Variants in GLIS3 observed in about 807,000 individuals in gnomAD.
GLIS3 encodes the protein GLIS family zinc finger 3.
In GLIS3, 53 loss-of-function variants were observed where a neutral mutation model predicts 78.6. The ratio of observed to expected loss-of-function variants is 0.67; its 90% CI spans 0.54 to 0.85. GLIS3 has a LOEUF of 0.85. GLIS3 is among the 40% of genes least tolerant of loss of function. The pLI, the probability that GLIS3 is intolerant of heterozygous loss-of-function variation, is 0.00. For missense variants in GLIS3, 1,703 were observed against 1,231.1 expected (o/e 1.38, Z -5.74); for synonymous variants, 684 against 509.9 (o/e 1.34, Z -4.60).
chr9:4,142,151 A>C (rs1833861957), intron 2 of GLIS3, among the ~76,000 whole-genome samples: 2 of 152,222 alleles, frequency 1.3e-5, no homozygotes, highest in Non-Finnish European at 2.9e-5. Context: ...CATAATACAT[A>C]TTGATGCCAG....
At chr9:4,280,186 ATTATT>A (rs548828970) in intron 2 of GLIS3, among the ~76,000 whole-genome samples, 300 of 152,190 alleles carry the variant, frequency 2.0e-3, no homozygotes, top group African/African-American at 7.1e-3. Flanking sequence ...CACCCAGCTA[ATTATT>A]TTATTTTTTG....
chr9:4,164,655 T>A (rs536593703), intron 2 of GLIS3, among the ~76,000 whole-genome samples: 3 of 152,302 alleles, frequency 2.0e-5, no homozygotes, highest in Admixed American at 6.5e-5. Flanking sequence ...AAAGGCTGCT[T>A]AGAGGGCGTT....
intron 4 of GLIS3, among the ~76,000 whole-genome samples, chr9:4,076,026 G>A (rs1031630775): frequency 2.0e-5 from 3 of 152,166 alleles, no homozygotes; most frequent in African/African-American, 7.2e-5. Flanking sequence ...TGATGGAAAT[G>A]TTCCATATAT....
At chr9:4,032,103 A>G (rs1324764311) in intron 4 of GLIS3, among the ~76,000 whole-genome samples, 1 of 152,166 alleles carries the variant, frequency 6.6e-6, no homozygotes, top group Non-Finnish European at 1.5e-5. Context: ...AGGGACACCA[A>G]GTGAGACCCA....
intron 2 of GLIS3, among the ~76,000 whole-genome samples, chr9:4,146,910 C>G (rs945021069): frequency 6.6e-6 from 1 of 152,144 alleles, no homozygotes; most frequent in Non-Finnish European, 1.5e-5. Context: ...GTATTACGTT[C>G]GACTTTTAAA....
intron 9 of GLIS3, 69 bp from the exon 10 acceptor site, chr9:3,829,561 G>T (rs1431993966): frequency 1.3e-6 from 2 of 1,533,232 alleles, no homozygotes; most frequent in African/African-American, 1.4e-5. Flanking sequence ...TTCCAACCCA[G>T]CTAGAACCTC....
chr9:3,923,165 T>A (rs1030633540), intron 6 of GLIS3, among the ~76,000 whole-genome samples: 13 of 152,204 alleles, frequency 8.5e-5, no homozygotes, highest in Non-Finnish European at 1.8e-4. Flanking sequence ...AATTGCCTTG[T>A]CTCCTTTCAC....
chr9:4,373,600 A>T, the GLIS3 span, among the ~76,000 whole-genome samples: 1 of 149,008 alleles, frequency 6.7e-6, no homozygotes, highest in South Asian at 2.1e-4. Flanking sequence ...TTTGGGAGCT[A>T]AAAAAATACT....
the GLIS3 span, among the ~76,000 whole-genome samples, chr9:4,413,808 G>A: frequency 6.6e-6 from 1 of 152,038 alleles, no homozygotes; most frequent in African/African-American, 2.4e-5. Context: ...AAAAGAGCCA[G>A]TTTCATTTTT....
At chr9:4,350,368 T>C (rs1259063779), upstream of GLIS3, among the ~76,000 whole-genome samples, 2 of 152,238 alleles carry the variant, frequency 1.3e-5, no homozygotes, top group Non-Finnish European at 2.9e-5. Context: ...CCACATTTAC[T>C]GGATTTGACT....
chr9:4,090,933 G>C (rs1417567140), intron 4 of GLIS3, among the ~76,000 whole-genome samples: 1 of 152,112 alleles, frequency 6.6e-6, no homozygotes, highest in Non-Finnish European at 1.5e-5. Flanking sequence ...GCAAACCCTG[G>C]CTCAGCCATT....
At chr9:4,307,703 G>C (rs1037157435) in intron 4 of GLIS3, among the ~76,000 whole-genome samples, 3 of 152,178 alleles carry the variant, frequency 2.0e-5, no homozygotes, top group Non-Finnish European at 4.4e-5. Flanking sequence ...CCTGGATTAT[G>C]AATGTGATAG....
At chr9:3,858,373 G>C (rs1190147124) in intron 8 of GLIS3, among the ~76,000 whole-genome samples, 1 of 152,014 alleles carries the variant, frequency 6.6e-6, no homozygotes, top group Non-Finnish European at 1.5e-5. Context: ...TTCCAAACCA[G>C]GGCCATGCTC....
rs531604744 is a variant in GLIS3, at chr9:4,155,480, A to G, written c.389-29539T>C. 1.6e-4 allele frequency among the ~76,000 whole-genome samples: 25 copies of G among 152,232 alleles called. No homozygotes were observed. The East Asian group carries it at 4.4e-3, about 27-fold the overall frequency. ...CTAAACTTTTCTCTTACCCTTTTCA[A>G]TATTTAGCGTATTTGTTTTCTTTGC... On this transcript the variant is annotated intron_variant, in intron 2 of 10. Coordinates refer to ENST00000381971, the MANE Select transcript of GLIS3 (RefSeq NM_001042413.2).
intron 9 of GLIS3, among the ~76,000 whole-genome samples, chr9:3,844,479 A>G (rs939372137): frequency 2.0e-5 from 3 of 152,226 alleles, no homozygotes; most frequent in African/African-American, 7.2e-5. Flanking sequence ...CAGGTATAAG[A>G]ACATTTGCTT....
the GLIS3 span, among the ~76,000 whole-genome samples, chr9:4,435,293 G>A: frequency 1.3e-5 from 2 of 152,198 alleles, no homozygotes; most frequent in African/African-American, 4.8e-5. Flanking sequence ...AATTGAATGG[G>A]ATTATAGTGT....
intron 4 of GLIS3, among the ~76,000 whole-genome samples, chr9:3,992,862 G>A (rs1194472979): frequency 6.6e-6 from 1 of 152,140 alleles, no homozygotes; most frequent in Admixed American, 6.5e-5. Context: ...TATCCCTCAG[G>A]AGGTATCATA....
At chr9:4,379,142 C>G in the GLIS3 span, among the ~76,000 whole-genome samples, 1 of 152,124 alleles carries the variant, frequency 6.6e-6, no homozygotes, top group Non-Finnish European at 1.5e-5. Context: ...GATATGTTGT[C>G]CAGCGCCCCA....
At position 4,118,736 on chromosome 9, in the gene GLIS3, G is replaced by A; in HGVS notation, c.742C>T (p.Leu248=). The change falls in exon 4 of 11, where the codon CTA becomes TTA. Residue 248 remains leucine (L), a synonymous_variant. Coordinates refer to ENST00000381971, the MANE Select transcript of GLIS3 (RefSeq NM_001042413.2). The surrounding 1 kb of genome is among the most constrained non-coding windows in gnomAD (Gnocchi z 4.7). ...SNHGSQNGLD[L]GDLLSLPPGT... Reference sequence around the variant, plus strand: ...GGAGGAAGGCTAAGGAGATCCCCTAGATCAAGGCCATTCTGAGAGCCGTGG... The same window carrying A: ...GGAGGAAGGCTAAGGAGATCCCCTAAATCAAGGCCATTCTGAGAGCCGTGG... The A allele has an allele frequency of 6.2e-7, 1 of 1,613,918 alleles. No individual in the cohort carries two copies. The highest frequency in any genetic ancestry group is 2.2e-5 in the East Asian group (1 of 44,880).
Sources: allele counts gnomAD v4.1 joint callset (sites outside exome capture counted in the v4.1 genomes callset), GRCh38; gene constraint gnomAD v4.1.1; non-coding constraint Gnocchi (gnomAD v3.1); transcripts MANE v1.5; gene names NCBI Gene and HGNC (gene_info 2026-07-23, HGNC 2026-07-21).